The following CCDC171 variants were observed in gnomAD, a reference collection of about 807,000 sequenced individuals.
CCDC171 encodes the protein coiled-coil domain containing 171.
In CCDC171, 177 loss-of-function variants were observed where a neutral mutation model predicts 168.2. That is an observed-to-expected ratio of 1.05 (90% CI 0.93 to 1.19). CCDC171 has a LOEUF of 1.19. CCDC171 is among the 50% of genes most tolerant of loss of function. The probability of loss-of-function intolerance (pLI) is 0.00; values close to 1 mark genes in which losing one functional copy is unlikely to be tolerated. For missense variants in CCDC171, 1,991 were observed against 1,539.0 expected, an observed-to-expected ratio of 1.29 and a Z score of -4.91; for synonymous variants, 687 against 540.8, an observed-to-expected ratio of 1.27 and a Z score of -3.75.
chr9:16,072,910 C>A, the CCDC171 span, among the ~76,000 whole-genome samples: 67 of 152,324 alleles, frequency 4.4e-4, no homozygotes, highest in African/African-American at 1.5e-3. Flanking sequence ...AAGAACTAAT[C>A]ACCTTTGTTA....
chr9:15,911,497 G>T (rs1264727860), intron 24 of CCDC171, among the ~76,000 whole-genome samples: 6 of 152,144 alleles, frequency 3.9e-5, no homozygotes, highest in Non-Finnish European at 8.8e-5. Context: ...TCTGTAGGTT[G>T]CCTGTTCACT....
rs980111701 is a variant in CCDC171, at chr9:15,659,456, T to A, written c.915+2237T>A. Among the ~76,000 whole-genome samples, 11 of 152,216 alleles carry A rather than the reference T, an allele frequency of 7.2e-5. 1 individual carries two copies. Among genetic ancestry groups the A allele is most frequent in the African/African-American group, 2.7e-4 (11 of 41,450 alleles). ...AAGAGATTAACTTTAATGAAGATTGTATACCTATAATAGTATTTTTGTTTG... is the reference window on the plus strand; with the variant it reads ...AAGAGATTAACTTTAATGAAGATTGAATACCTATAATAGTATTTTTGTTTG... On this transcript the variant is annotated intron_variant, in intron 8 of 25. Coordinates refer to ENST00000380701, the MANE Select transcript of CCDC171 (RefSeq NM_173550.4).
intron 3 of CCDC171, among the ~76,000 whole-genome samples, chr9:15,576,582 C>T (rs1252306085): frequency 6.6e-6 from 1 of 152,128 alleles, no homozygotes; most frequent in South Asian, 2.1e-4. Flanking sequence ...CTCCCGTGTT[C>T]TTAAGTGTTT....
At chr9:15,665,850 A>G (rs1202902296) in intron 8 of CCDC171, among the ~76,000 whole-genome samples, 2 of 152,188 alleles carry the variant, frequency 1.3e-5, no homozygotes, top group African/African-American at 4.8e-5. Context: ...GTAGGTAAAA[A>G]TTTGAAACTT....
chr9:15,863,703 G>T (rs192846537), intron 23 of CCDC171, among the ~76,000 whole-genome samples: 1 of 151,862 alleles, frequency 6.6e-6, no homozygotes, highest in African/African-American at 2.4e-5. Flanking sequence ...TACTTATGTG[G>T]TAAGGTCAAT....
At chr9:15,745,931 T>C (rs1437404188) in intron 18 of CCDC171, among the ~76,000 whole-genome samples, 2 of 152,154 alleles carry the variant, frequency 1.3e-5, no homozygotes, top group Admixed American at 6.5e-5. Context: ...ACTGGCAATG[T>C]TTTTTCATAT....
intron 24 of CCDC171, among the ~76,000 whole-genome samples, chr9:15,884,465 T>G (rs1819124020): frequency 6.6e-6 from 1 of 152,182 alleles, no homozygotes; most frequent in Admixed American, 6.5e-5. Context: ...ATATGGAAAT[T>G]GGCAACCATA....
intron 24 of CCDC171, among the ~76,000 whole-genome samples, chr9:15,919,810 A>G (rs556220689): frequency 1.3e-4 from 19 of 151,690 alleles, no homozygotes; most frequent in African/African-American, 3.4e-4. Context: ...AAAAATCACA[A>G]GATTATTTTA....
chr9:15,984,276 A>G (rs2132880077), intron 3 of CCDC171, among the ~76,000 whole-genome samples: 1 of 152,302 alleles, frequency 6.6e-6, no homozygotes, highest in Middle Eastern at 3.4e-3. Flanking sequence ...ATATAGCTTC[A>G]TGCCTAATTA....
At chr9:15,742,884 C>G (rs2054977782) in intron 16 of CCDC171, among the ~76,000 whole-genome samples, 1 of 152,114 alleles carries the variant, frequency 6.6e-6, no homozygotes, top group Non-Finnish European at 1.5e-5. Context: ...AGAGATCCTC[C>G]CACCTTCACC....
chr9:16,050,349 G>A (rs2987085), intron 1 of CCDC171, among the ~76,000 whole-genome samples: 97,675 of 152,144 alleles, frequency 0.64, 34,408 homozygotes, highest in East Asian at 0.89. Context: ...CAATAATCCA[G>A]TTTGTGAATG....
intron 6 of CCDC171, among the ~76,000 whole-genome samples, chr9:15,608,370 G>C (rs553234381): frequency 6.6e-6 from 1 of 152,098 alleles, no homozygotes; most frequent in African/African-American, 2.4e-5. Context: ...TTTTTATGTG[G>C]GTATGTATTT....
At chr9:15,865,832 A>G (rs2061756426) in intron 23 of CCDC171, among the ~76,000 whole-genome samples, 1 of 136,602 alleles carries the variant, frequency 7.3e-6, no homozygotes, top group Non-Finnish European at 1.6e-5. Context: ...ATGTTGTTCA[A>G]AGTTCAACTC....
chr9:15,799,457 A>C (rs1486343984), intron 21 of CCDC171, among the ~76,000 whole-genome samples: 1 of 151,480 alleles, frequency 6.6e-6, no homozygotes, highest in Non-Finnish European at 1.5e-5. Flanking sequence ...TTTCTTTACA[A>C]ATTTTAATTT....
At chr9:15,978,903 A>G (rs562402138), downstream of CCDC171, among the ~76,000 whole-genome samples, 12 of 152,140 alleles carry the variant, frequency 7.9e-5, 1 homozygote, top group South Asian at 2.5e-3. Flanking sequence ...CCATTCCCCA[A>G]TCCTCTATCC....
intron 1 of CCDC171, among the ~76,000 whole-genome samples, chr9:15,557,359 C>G (rs2038895855): frequency 6.6e-6 from 1 of 152,092 alleles, no homozygotes; most frequent in South Asian, 2.1e-4. Context: ...AATATTAATT[C>G]TTCCTATCCA....
At chr9:15,793,204 A>G (rs1404457705) in intron 21 of CCDC171, among the ~76,000 whole-genome samples, 16 of 151,996 alleles carry the variant, frequency 1.1e-4, no homozygotes, top group East Asian at 3.9e-4. Flanking sequence ...CTTTAAACCA[A>G]CAAAGATCAA....
At chr9:15,869,839 T>C (rs2061956967) in intron 23 of CCDC171, among the ~76,000 whole-genome samples, 1 of 151,814 alleles carries the variant, frequency 6.6e-6, no homozygotes, top group Admixed American at 6.6e-5. Context: ...GCACCCTGTA[T>C]TGGCGATATA....
At chr9:15,638,327 T>C (rs190345301) in intron 7 of CCDC171, among the ~76,000 whole-genome samples, 89 of 152,280 alleles carry the variant, frequency 5.8e-4, no homozygotes, top group African/African-American at 2.0e-3. Flanking sequence ...TTTGACCACA[T>C]AGTGACATAA....
Sources: allele counts gnomAD v4.1 joint callset (sites outside exome capture counted in the v4.1 genomes callset), GRCh38; gene constraint gnomAD v4.1.1; transcripts MANE v1.5; gene names NCBI Gene and HGNC (gene_info 2026-07-23, HGNC 2026-07-21).